The following SPATS2 variants were observed in gnomAD, a reference collection of about 807,000 sequenced individuals.
SPATS2 encodes spermatogenesis-associated serine-rich protein 2.
A neutral mutation model predicts 63.7 loss-of-function variants in SPATS2; 38 were observed. The ratio of observed to expected loss-of-function variants is 0.60; its 90% CI spans 0.46 to 0.78. The LOEUF is 0.78. Among genes scored for constraint, SPATS2 ranks in the 30% least tolerant of loss-of-function variants. The pLI is 0.00. For synonymous variants in SPATS2, 207 were observed against 232.9 expected (o/e 0.89, Z 1.01); for missense variants, 588 against 666.2 (o/e 0.88, Z 1.29).
chr12:49,476,375 G>A (rs1011094266), intron 3 of SPATS2, among the ~76,000 whole-genome samples: 1 of 152,088 alleles, frequency 6.6e-6, no homozygotes, highest in Non-Finnish European at 1.5e-5. Flanking sequence ...CCCATCTGCC[G>A]AGAGCTACTT....
At chr12:49,462,314 A>G (rs970991082) in intron 3 of SPATS2, 4 of 702,284 alleles carry the variant, frequency 5.7e-6, no homozygotes, top group South Asian at 1.5e-5. Context: ...ACTGGAGGGC[A>G]TGAGTGCTGG....
chr12:49,376,560 C>T (rs1262136767), intron 2 of SPATS2, among the ~76,000 whole-genome samples: 6 of 151,908 alleles, frequency 3.9e-5, no homozygotes, highest in South Asian at 4.2e-4. Context: ...CCATGCCCTG[C>T]TAATTTTTAA....
chr12:49,387,141 T>G (rs775515647), intron 2 of SPATS2: 1 of 152,310 alleles, frequency 6.6e-6, no homozygotes, highest in Middle Eastern at 3.4e-3. Flanking sequence ...ATGAGAGGTA[T>G]GGGGAAGGTA....
intron 3 of SPATS2, among the ~76,000 whole-genome samples, chr12:49,462,037 A>G (rs1027542135): frequency 2.0e-5 from 3 of 152,242 alleles, no homozygotes; most frequent in South Asian, 2.1e-4. Context: ...TTCACCCTGC[A>G]AATGAGAAAT....
intron 2 of SPATS2, among the ~76,000 whole-genome samples, chr12:49,397,501 A>G (rs1259238906): frequency 6.6e-6 from 1 of 152,174 alleles, no homozygotes; most frequent in Non-Finnish European, 1.5e-5. Context: ...AGTGCCTAGT[A>G]TAGAATCTGG....
At chr12:49,417,603 G>T (rs1944909733) in intron 2 of SPATS2, among the ~76,000 whole-genome samples, 1 of 152,152 alleles carries the variant, frequency 6.6e-6, no homozygotes, top group African/African-American at 2.4e-5. Context: ...ATTGTGTTTT[G>T]TGTTGTTTCC....
chr12:49,492,727 C>CT (rs1313238525), intron 6 of SPATS2, among the ~76,000 whole-genome samples: 1 of 152,098 alleles, frequency 6.6e-6, no homozygotes, highest in African/African-American at 2.4e-5. Flanking sequence ...GGATGTGACT[C>CT]TGAGTGGGAT....
chr12:49,414,935 CTTTTCTTTTTT>C (rs1448571710), intron 2 of SPATS2, among the ~76,000 whole-genome samples: 3 of 135,918 alleles, frequency 2.2e-5, no homozygotes, highest in African/African-American at 8.7e-5. Context: ...TTTTCTTTTT[CTTTTCTTTTTT>C]TTTTTTTTTT....
chr12:49,385,897 C>G (rs1428408333), intron 2 of SPATS2, among the ~76,000 whole-genome samples: 10 of 147,354 alleles, frequency 6.8e-5, no homozygotes, highest in Admixed American at 3.4e-4. Flanking sequence ...GAGACAGAGT[C>G]TTGCTCTGTC....
At chr12:49,371,605 G>A (rs1291243639) in intron 2 of SPATS2, among the ~76,000 whole-genome samples, 2 of 152,130 alleles carry the variant, frequency 1.3e-5, no homozygotes, top group African/African-American at 4.8e-5. Flanking sequence ...AATTTATAAA[G>A]AAAAGAGGTT....
At chr12:49,486,120 T>A (rs1460887977) in intron 4 of SPATS2, 3 of 412,690 alleles carry the variant, frequency 7.3e-6, no homozygotes, top group African/African-American at 2.1e-5. Flanking sequence ...TTGAGTACTA[T>A]AAATACTTGT....
At chr12:49,414,456 A>G (rs1165069526) in intron 2 of SPATS2, among the ~76,000 whole-genome samples, 1 of 152,178 alleles carries the variant, frequency 6.6e-6, no homozygotes. Flanking sequence ...AAAAAAGTTC[A>G]ACAGAGACTG....
At chr12:49,377,699 A>G in intron 2 of SPATS2, among the ~76,000 whole-genome samples, 1 of 152,324 alleles carries the variant, frequency 6.6e-6, no homozygotes, top group Non-Finnish European at 1.5e-5. Flanking sequence ...ATTTCTATAT[A>G]TAATATGATC....
At chr12:49,377,207 G>C (rs1005114752) in intron 2 of SPATS2, among the ~76,000 whole-genome samples, 1 of 152,078 alleles carries the variant, frequency 6.6e-6, no homozygotes, top group Non-Finnish European at 1.5e-5. Context: ...ATTGTATCTA[G>C]GAATTTTAAA....
intron 3 of SPATS2, 132 bp downstream of exon 3, chr12:49,461,169 C>T (rs1190595127): frequency 2.0e-5 from 18 of 918,180 alleles, no homozygotes; most frequent in East Asian, 2.7e-5. Flanking sequence ...ATTAGATTAT[C>T]GCTTTGTGTA....
chr12:49,372,308 G>A (rs975008064), intron 2 of SPATS2, among the ~76,000 whole-genome samples: 17 of 152,312 alleles, frequency 1.1e-4, no homozygotes, highest in African/African-American at 4.1e-4. Context: ...GCCTCTCAAA[G>A]TGCTGAGATT....
chr12:49,391,266 C>T (rs1429828192), intron 2 of SPATS2, among the ~76,000 whole-genome samples: 1 of 152,200 alleles, frequency 6.6e-6, no homozygotes, highest in African/African-American at 2.4e-5. Context: ...GTAATCCCAG[C>T]ACTTTGGGAG....
At position 49,501,642 on chromosome 12, in the gene SPATS2, G is replaced by A. The variant is rs112582314; in HGVS notation, c.839+1437G>A. ...TTTTGTTTTGTTTGTTTTTTGAGAC[G>A]GAGTCTCTGTCGCCTAGGCTGGAGT... is the stretch of plus-strand genomic sequence containing the variant. On this transcript the variant is annotated intron_variant, in intron 9 of 13. Coordinates refer to ENST00000552918, the MANE Select transcript of SPATS2 (RefSeq NM_023071.4). Among the ~76,000 whole-genome samples, 1,142 of 152,128 alleles carry A rather than the reference G, an allele frequency of 7.5e-3. 10 individuals are homozygous for A. Among genetic ancestry groups the A allele is most frequent in the African/African-American group, 0.026 (1,074 of 41,506 alleles).
At chr12:49,473,422 C>A (rs1318342165) in intron 3 of SPATS2, among the ~76,000 whole-genome samples, 5 of 152,066 alleles carry the variant, frequency 3.3e-5, no homozygotes, top group Non-Finnish European at 7.4e-5. Context: ...CTCACACACA[C>A]ATACACACAA....
Sources: allele counts gnomAD v4.1 joint callset (sites outside exome capture counted in the v4.1 genomes callset), GRCh38; gene constraint gnomAD v4.1.1; transcripts MANE v1.5; gene names NCBI Gene and HGNC (gene_info 2026-07-23, HGNC 2026-07-21).